The following POLB variants were observed in gnomAD, a reference collection of about 807,000 sequenced individuals.
The protein encoded by POLB is DNA polymerase beta, also known as 5'-dRP lyase.
A neutral mutation model predicts 52.7 loss-of-function variants in POLB; 37 were observed. The ratio of observed to expected loss-of-function variants is 0.70; its 90% CI spans 0.54 to 0.92. POLB has a LOEUF of 0.92. Among genes scored for constraint, POLB ranks in the 40% least tolerant of loss-of-function variants. The probability of loss-of-function intolerance (pLI) is 0.00; values close to 1 mark genes in which losing one functional copy is unlikely to be tolerated. For missense variants in POLB, 313 were observed against 400.8 expected, an observed-to-expected ratio of 0.78 and a Z score of 1.87; for synonymous variants, 138 against 131.3, an observed-to-expected ratio of 1.05 and a Z score of -0.35.
At chr8:42,342,766 G>A (rs986858662) in intron 2 of POLB, 11 of 325,000 alleles carry the variant, frequency 3.4e-5, no homozygotes, top group Middle Eastern at 9.7e-4. Flanking sequence ...ATGCCAAGGC[G>A]GGTGGATGGC....
intron 2 of POLB, chr8:42,341,889 G>A (rs1822225313): frequency 3.2e-6 from 2 of 618,904 alleles, no homozygotes; most frequent in Non-Finnish European, 6.0e-6. Flanking sequence ...TCTTTCTTGA[G>A]CTTCTTTTCA....
intron 9 of POLB, among the ~76,000 whole-genome samples, chr8:42,360,205 C>T (rs182341097): frequency 1.3e-5 from 2 of 152,146 alleles, no homozygotes; most frequent in African/African-American, 2.4e-5. Context: ...GATCCGCCCA[C>T]CTTGGCCTCC....
chr8:42,369,988 G>A lies in POLB; in HGVS notation c.913G>A (p.Gly305Arg). 6.2e-7 allele frequency: 1 copy of A among 1,605,748 alleles called. No individual in the cohort carries two copies. Among genetic ancestry groups the A allele is most frequent in the Non-Finnish European group, 8.5e-7 (1 of 1,172,870 alleles). Residue 305 changes from glycine to arginine, a missense_variant and splice_region_variant, in exon 13 of 14, where the codon GGA becomes AGA. By Grantham distance (125) the Gly-to-Arg change is moderately radical. Transcript: ENST00000265421. ...EYTIRPLGVTGVAGEPLPVDS... is the reference protein window; with the variant it reads ...EYTIRPLGVTRVAGEPLPVDS... ...CACCATCCGTCCCTTGGGAGTCACT[G>A]GTGAGTGTCCATGTGTGTATTAGAG...
chr8:42,352,147 A>G (rs1003703338), intron 5 of POLB, among the ~76,000 whole-genome samples: 6 of 152,078 alleles, frequency 3.9e-5, no homozygotes, highest in Non-Finnish European at 8.8e-5. Context: ...GTAACTAACT[A>G]TTGTCTCTAT....
chr8:42,349,276 A>G, intron 4 of POLB, 186 bp downstream of exon 4: 1 of 494,388 alleles, frequency 2.0e-6, no homozygotes, highest in Non-Finnish European at 3.6e-6. Context: ...TTTATGTGGC[A>G]TTTAAGAGAC....
At chr8:42,342,124 T>A in intron 2 of POLB, 1 of 1,349,216 alleles carries the variant, frequency 7.4e-7, no homozygotes, top group Non-Finnish European at 1.1e-6. Context: ...ATTTGGTACT[T>A]TGAGGGATAG....
At chr8:42,351,650 T>C (rs1222578850) in intron 5 of POLB, among the ~76,000 whole-genome samples, 1 of 152,244 alleles carries the variant, frequency 6.6e-6, no homozygotes, top group African/African-American at 2.4e-5. Context: ...TAAGCTTCCT[T>C]CTGTCCCCAT....
chr8:42,342,430 A>G lies in POLB; in HGVS notation c.120-2523A>G, dbSNP rs943289077. ...TGCGCAGACTATCATATCCCCCTCT[A>G]TACGGGCATAAGCAATCTGACAATT... On this transcript the variant is annotated intron_variant, in intron 2 of 13. Transcript: ENST00000265421. 6.3e-5 allele frequency: 88 copies of G among 1,399,760 alleles called. 1 individual carries two copies. In the Admixed American group the frequency reaches 1.2e-3, roughly 19 times the overall value. The allele number at this position is 1,399,760 out of a possible 1,614,324, so 86.7% of individuals were successfully genotyped here.
intron 3 of POLB, 61 bp downstream of exon 3, chr8:42,345,080 A>G: frequency 9.3e-7 from 1 of 1,074,700 alleles, no homozygotes; most frequent in Non-Finnish European, 1.4e-6. Flanking sequence ...GTGGGTTCCC[A>G]CCAAACCAAA....
At chr8:42,352,785 A>G (rs1002166098) in intron 6 of POLB, among the ~76,000 whole-genome samples, 1 of 152,194 alleles carries the variant, frequency 6.6e-6, no homozygotes, top group Non-Finnish European at 1.5e-5. Context: ...AAAACTAAGA[A>G]GACCAAGAAC....
At chr8:42,348,911 A>G in intron 3 of POLB, 105 bp from the exon 4 acceptor site, 1 of 588,226 alleles carries the variant, frequency 1.7e-6, no homozygotes, top group East Asian at 3.1e-5. Flanking sequence ...AAACCTTATC[A>G]CATGGTATTC....
chr8:42,342,036 C>T (rs766072449), intron 2 of POLB: 1 of 803,206 alleles, frequency 1.2e-6, no homozygotes, highest in Non-Finnish European at 2.2e-6. Context: ...ATGTAATCTG[C>T]AACATTCTGG....
At chr8:42,371,196 T>C (rs1171872727) in intron 13 of POLB, among the ~76,000 whole-genome samples, 1 of 152,190 alleles carries the variant, frequency 6.6e-6, no homozygotes, top group East Asian at 1.9e-4. Flanking sequence ...CATTCTCGGC[T>C]CACTGCAACC....
At chr8:42,357,279 A>G in intron 8 of POLB, 41 bp from the exon 9 acceptor site, 1 of 1,438,498 alleles carries the variant, frequency 7.0e-7, no homozygotes. Context: ...ACTTGGTGAA[A>G]AGCCATTTTG....
At chr8:42,369,152 G>A in intron 11 of POLB, 119 bp from the exon 12 acceptor site, 1 of 606,896 alleles carries the variant, frequency 1.6e-6, no homozygotes, top group Admixed American at 2.9e-5. Context: ...TAAGTTAAAA[G>A]TGCTCAGAAT....
chr8:42,338,896 CT>C (rs1189693583), intron 1 of POLB, 115 bp from the exon 2 acceptor site: 6 of 1,030,110 alleles, frequency 5.8e-6, no homozygotes, highest in Non-Finnish European at 9.1e-6. Flanking sequence ...TGGTCTGGCC[CT>C]TGGAGGAAAC....
chr8:42,357,728 CT>C (rs373576053), intron 9 of POLB: 36,929 of 145,298 alleles, frequency 0.25, 7,053 homozygotes, highest in African/African-American at 0.61. Flanking sequence ...TTTCTTTTTC[CT>C]TTTTTTTTTT....
intron 9 of POLB, among the ~76,000 whole-genome samples, chr8:42,360,634 A>G (rs1823615286): frequency 6.6e-6 from 1 of 152,222 alleles, no homozygotes; most frequent in African/African-American, 2.4e-5. Context: ...ATTTCATAGA[A>G]TATAGGAAAA....
intron 12 of POLB, 55 bp from the exon 13 acceptor site, chr8:42,369,794 T>C (rs2130862482): frequency 8.0e-7 from 1 of 1,256,082 alleles, no homozygotes. Context: ...AGTCCTATAT[T>C]TGCTAAACTT....
Sources: allele counts gnomAD v4.1 joint callset (sites outside exome capture counted in the v4.1 genomes callset), GRCh38; gene constraint gnomAD v4.1.1; transcripts MANE v1.5; gene names NCBI Gene and HGNC (gene_info 2026-07-23, HGNC 2026-07-21).